Variants in EIF2S2 observed in about 807,000 individuals in gnomAD.
EIF2S2 encodes eukaryotic translation initiation factor 2 subunit 2.
A neutral mutation model predicts 44.0 loss-of-function variants in EIF2S2; 4 were observed. That is an observed-to-expected ratio of 0.09 (90% CI 0.04 to 0.21). The LOEUF is 0.21. EIF2S2 is among the 10% of genes least tolerant of loss of function. The pLI is 1.00. For synonymous variants in EIF2S2, 108 were observed against 128.3 expected (o/e 0.84, Z 1.07); for missense variants, 154 against 392.0 (o/e 0.39, Z 5.13).
At chr20:34,096,905 G>T in intron 5 of EIF2S2, 100 bp from the exon 6 acceptor site, 3 of 1,264,300 alleles carry the variant, frequency 2.4e-6, no homozygotes, top group South Asian at 1.5e-5. Flanking sequence ...CTTCACTTCT[G>T]ATTAAATATA....
rs989516408 is a variant in EIF2S2, at chr20:34,090,415, C to T, written c.826+102G>A. ...CATTTTGTCTCTGATCTTTTTAAGG[C>T]CAGCTTTTCCCAGCTCACTGCAATC... On this transcript the variant is annotated intron_variant, in intron 8 of 8. Coordinates refer to ENST00000374980, the MANE Select transcript of EIF2S2 (RefSeq NM_003908.5). 3 of 687,318 alleles carry T rather than the reference C, an allele frequency of 4.4e-6. No homozygotes were observed. In the East Asian group the frequency reaches 9.7e-5, roughly 22 times the overall value. 42.6% of individuals were successfully genotyped at this position (687,318 alleles called of 1,614,324 possible). A position where few individuals can be genotyped will look rare whatever the true frequency, so the allele number is the denominator to read the frequency against.
At chr20:34,101,525 A>G (rs1454576031) in intron 3 of EIF2S2, among the ~76,000 whole-genome samples, 1 of 152,222 alleles carries the variant, frequency 6.6e-6, no homozygotes, top group Non-Finnish European at 1.5e-5. Flanking sequence ...TCTCTAAGTC[A>G]ATAAATAAGA....
At chr20:34,111,981 G>T in intron 1 of EIF2S2, 115 bp downstream of exon 1, 1 of 1,195,130 alleles carries the variant, frequency 8.4e-7, no homozygotes, top group South Asian at 3.1e-5. Context: ...GCCTAGGCGC[G>T]GCTGCCTCAC....
intron 3 of EIF2S2, among the ~76,000 whole-genome samples, chr20:34,101,022 T>C (rs911575461): frequency 1.2e-4 from 19 of 152,218 alleles, no homozygotes; most frequent in African/African-American, 4.3e-4. Flanking sequence ...CATCCTGACC[T>C]GGGACAATGG....
chr20:34,091,146 T>C (rs1427861683), intron 7 of EIF2S2, among the ~76,000 whole-genome samples: 1 of 152,230 alleles, frequency 6.6e-6, no homozygotes, highest in Non-Finnish European at 1.5e-5. Flanking sequence ...ATCAGATTTA[T>C]AATTGATTTT....
chr20:34,111,918 C>G (rs1046082803), intron 1 of EIF2S2, among the ~76,000 whole-genome samples, 178 bp downstream of exon 1: 9 of 152,264 alleles, frequency 5.9e-5, no homozygotes, highest in Non-Finnish European at 1.2e-4. Flanking sequence ...GGAAAGCGGG[C>G]TGCGGCCAAG....
chr20:34,098,169 C>T (rs1327010526), intron 4 of EIF2S2, among the ~76,000 whole-genome samples: 1 of 151,902 alleles, frequency 6.6e-6, no homozygotes, highest in Admixed American at 6.6e-5. Flanking sequence ...TCGCTTGAAC[C>T]CGGTAGGCAG....
intron 1 of EIF2S2, among the ~76,000 whole-genome samples, chr20:34,105,931 G>GT (rs1425205541): frequency 2.0e-5 from 3 of 152,028 alleles, no homozygotes; most frequent in African/African-American, 7.2e-5. Context: ...TTTTTGTATT[G>GT]TTTTTTCTTT....
intron 1 of EIF2S2, among the ~76,000 whole-genome samples, chr20:34,107,332 G>A (rs2034360898): frequency 6.6e-6 from 1 of 152,200 alleles, no homozygotes; most frequent in South Asian, 2.1e-4. Context: ...GCTGTGGACA[G>A]CGTTAATAGT....
chr20:34,105,618 T>C (rs2034340780), intron 1 of EIF2S2, 73 bp from the exon 2 acceptor site: 1 of 1,377,592 alleles, frequency 7.3e-7, no homozygotes, highest in Non-Finnish European at 9.7e-7. Flanking sequence ...AAATATGCTT[T>C]ATCCTCAAAA....
chr20:34,096,734 A>G lies in EIF2S2; in HGVS notation c.606T>C (p.Phe202=). 1 of 1,611,920 alleles carries G rather than the reference A, an allele frequency of 6.2e-7. No individual in the cohort carries two copies. The highest frequency in any genetic ancestry group is 8.5e-7 in the Non-Finnish European group (1 of 1,179,744). ...PDMVAGEKRK[F]VMKPPQVVRV... ...GGACGACTTGTGGAGGTTTCATGAC[A>G]AATTTCCTTTTCTCCCCAGCAACCA... The change falls in exon 6 of 9, where the codon TTT becomes TTC. Residue 202 remains phenylalanine, a synonymous_variant. Coordinates refer to ENST00000374980, the MANE Select transcript of EIF2S2 (RefSeq NM_003908.5).
At chr20:34,097,132 T>C (rs1286721895) in intron 5 of EIF2S2, among the ~76,000 whole-genome samples, 3 of 152,238 alleles carry the variant, frequency 2.0e-5, no homozygotes, top group Non-Finnish European at 4.4e-5. Context: ...TGGCCCTAAA[T>C]TAGCTAATTC....
chr20:34,110,111 A>C (rs931371889), intron 1 of EIF2S2, among the ~76,000 whole-genome samples: 10 of 152,030 alleles, frequency 6.6e-5, no homozygotes, highest in South Asian at 2.1e-4. Context: ...AAAAAAAAAA[A>C]AAAACAGAAA....
chr20:34,092,715 C>T (rs2034181331), intron 7 of EIF2S2, among the ~76,000 whole-genome samples: 1 of 152,100 alleles, frequency 6.6e-6, no homozygotes, highest in Non-Finnish European at 1.5e-5. Context: ...TACAACAGAG[C>T]CTACGTATCC....
chr20:34,100,901 C>T (rs1320943713), intron 3 of EIF2S2, among the ~76,000 whole-genome samples: 2 of 152,204 alleles, frequency 1.3e-5, no homozygotes, highest in Admixed American at 6.5e-5. Flanking sequence ...AGGCCAGTCT[C>T]AGTTTCCAGC....
In EIF2S2 at chr20:34,093,701, T is replaced by A. The variant is rs767682884; in HGVS notation, c.714A>T (p.Ala238=). Reference sequence around the variant, plus strand: ...TTGTACCCAATTCAGCCAACAAAAATGCAAGGAGATGTTTGGGCTGACGAT... The same window carrying A: ...TTGTACCCAATTCAGCCAACAAAAAAGCAAGGAGATGTTTGGGCTGACGAT... ...LLHRQPKHLL[A]FLLAELGTSG... The change falls in exon 7 of 9, where the codon GCA becomes GCT. Residue 238 remains alanine, a synonymous_variant. Coordinates refer to ENST00000374980, the MANE Select transcript of EIF2S2 (RefSeq NM_003908.5). 1 of 1,609,054 alleles carries A rather than the reference T, an allele frequency of 6.2e-7. No homozygotes were observed. The highest frequency in any genetic ancestry group is 8.5e-7 in the Non-Finnish European group (1 of 1,177,052).
intron 7 of EIF2S2, among the ~76,000 whole-genome samples, chr20:34,092,862 C>G (rs2034183556): frequency 6.6e-6 from 1 of 152,184 alleles, no homozygotes; most frequent in Non-Finnish European, 1.5e-5. Context: ...GTTAGGTGAT[C>G]AAGCTGCAGG....
At chr20:34,094,887 G>C (rs2034209115) in intron 6 of EIF2S2, among the ~76,000 whole-genome samples, 1 of 152,142 alleles carries the variant, frequency 6.6e-6, no homozygotes. Context: ...GGTGAGAACT[G>C]GTAAAAATAT....
intron 1 of EIF2S2, among the ~76,000 whole-genome samples, chr20:34,107,533 C>T (rs1328852787): frequency 5.9e-5 from 9 of 152,140 alleles, no homozygotes; most frequent in Non-Finnish European, 1.2e-4. Context: ...GTGCCTGGTA[C>T]GTAAGTACTC....
Sources: gnomAD v4.1 joint callset for allele counts (sites outside exome capture counted in the v4.1 genomes callset) on GRCh38, gnomAD v4.1.1 for gene constraint, MANE v1.5 for transcripts, NCBI Gene and HGNC (gene_info 2026-07-23, HGNC 2026-07-21) for gene names.